CABCOCO1: variants seen among roughly 807,000 people sequenced by gnomAD.
The protein encoded by CABCOCO1 is ciliary associated calcium binding coiled-coil 1.
A neutral mutation model predicts 35.7 loss-of-function variants in CABCOCO1; 28 were observed. The ratio of observed to expected loss-of-function variants is 0.78; its 90% CI spans 0.58 to 1.07. The LOEUF is 1.07. Ranked by LOEUF, CABCOCO1 falls within the 50% of genes least tolerant of loss-of-function variation. CABCOCO1 has a pLI of 0.00. For missense variants in CABCOCO1, 326 were observed against 309.2 expected, an observed-to-expected ratio of 1.05 and a Z score of -0.41; for synonymous variants, 95 against 100.1, an observed-to-expected ratio of 0.95 and a Z score of 0.30.
chr10:61,685,075 CTT>C (rs1183996002), intron 3 of CABCOCO1: 1 of 152,184 alleles, frequency 6.6e-6, no homozygotes, highest in African/African-American at 2.4e-5. Context: ...TTGTGTCACT[CTT>C]TGTGCATTTT....
intron 5 of CABCOCO1, among the ~76,000 whole-genome samples, chr10:61,698,972 C>T (rs940369240): frequency 1.3e-5 from 2 of 152,070 alleles, no homozygotes; most frequent in Admixed American, 1.3e-4. Flanking sequence ...TGAGATGTAC[C>T]TATCAAAATA....
At chr10:61,748,035 A>G (rs1841701406) in intron 5 of CABCOCO1, among the ~76,000 whole-genome samples, 1 of 152,170 alleles carries the variant, frequency 6.6e-6, no homozygotes. Flanking sequence ...TAGCATGGAC[A>G]CTTTTTGGAA....
chr10:61,726,622 G>T (rs1841156450), intron 5 of CABCOCO1, among the ~76,000 whole-genome samples: 1 of 151,684 alleles, frequency 6.6e-6, no homozygotes, highest in African/African-American at 2.4e-5. Context: ...CCCTTTATCT[G>T]GTGGGGAAAA....
In CABCOCO1 at chr10:61,672,673, G is replaced by A. The variant is rs866241930; in HGVS notation, c.102G>A (p.Pro34=). ...EFQEHEKILS[P]DFLSVAQITD... ...AGGAGCATGAAAAGATTCTGTCTCC[G>A]GATTTTCTTTCAGTTGCCCAAATCA... Residue 34 remains proline (P), a synonymous_variant, in exon 2 of 8, where the codon CCG becomes CCA. Transcript: ENST00000648843. The A allele has an allele frequency of 1.1e-4, 111 of 983,960 alleles. 1 individual carries two copies. In the African/African-American group the frequency reaches 1.7e-3, roughly 15 times the overall value. The allele number at this position is 983,960 out of a possible 1,614,324, so 61.0% of individuals were successfully genotyped here.
At chr10:61,684,476 A>G (rs1015559163) in intron 3 of CABCOCO1, among the ~76,000 whole-genome samples, 1 of 152,230 alleles carries the variant, frequency 6.6e-6, no homozygotes, top group East Asian at 1.9e-4. Flanking sequence ...TACCTGGTCC[A>G]GCAATCAGCC....
intron 2 of CABCOCO1, among the ~76,000 whole-genome samples, chr10:61,679,987 A>G (rs1025185303): frequency 1.3e-5 from 2 of 152,080 alleles, no homozygotes; most frequent in African/African-American, 2.4e-5. Context: ...AAAAATGACT[A>G]AAATGTACAT....
At chr10:61,709,020 T>C (rs940699936) in intron 5 of CABCOCO1, among the ~76,000 whole-genome samples, 3 of 152,152 alleles carry the variant, frequency 2.0e-5, no homozygotes, top group African/African-American at 7.2e-5. Context: ...GCCCATGGGA[T>C]TGCAAAATAT....
intron 5 of CABCOCO1, among the ~76,000 whole-genome samples, chr10:61,718,954 G>A (rs1165122195): frequency 1.3e-5 from 2 of 152,110 alleles, no homozygotes; most frequent in Non-Finnish European, 2.9e-5. Context: ...CAGTAAAATT[G>A]TCAAATGAAA....
chr10:61,742,511 A>C (rs1449503535), intron 5 of CABCOCO1, among the ~76,000 whole-genome samples: 1 of 152,212 alleles, frequency 6.6e-6, no homozygotes, highest in Non-Finnish European at 1.5e-5. Context: ...TTGGAATGAG[A>C]TAGACCAGAC....
intron 5 of CABCOCO1, among the ~76,000 whole-genome samples, chr10:61,703,542 A>G (rs1840516817): frequency 6.6e-6 from 1 of 152,156 alleles, no homozygotes; most frequent in Non-Finnish European, 1.5e-5. Flanking sequence ...CATGACCTGG[A>G]GCAACTCATG....
intron 5 of CABCOCO1, among the ~76,000 whole-genome samples, chr10:61,723,510 A>G (rs1252700704): frequency 6.6e-6 from 1 of 152,164 alleles, no homozygotes; most frequent in Non-Finnish European, 1.5e-5. Flanking sequence ...GTGTGCTCAG[A>G]TTGCCATAGC....
intron 5 of CABCOCO1, among the ~76,000 whole-genome samples, chr10:61,739,917 G>A (rs967985107): frequency 6.6e-6 from 1 of 152,218 alleles, no homozygotes; most frequent in African/African-American, 2.4e-5. Flanking sequence ...GCTCCAGCCT[G>A]GGCGACAGAG....
intron 1 of CABCOCO1, among the ~76,000 whole-genome samples, chr10:61,664,926 A>G (rs1412980203): frequency 6.6e-6 from 1 of 152,144 alleles, no homozygotes; most frequent in Non-Finnish European, 1.5e-5. Context: ...TCTCAGATCA[A>G]ATTCTTTACA....
intron 5 of CABCOCO1, among the ~76,000 whole-genome samples, chr10:61,719,654 G>C (rs1330963856): frequency 6.6e-6 from 1 of 152,094 alleles, no homozygotes; most frequent in African/African-American, 2.4e-5. Context: ...CGGCGCAGTG[G>C]CTCATGCCTG....
At chr10:61,670,097 T>A (rs1347229191) in intron 1 of CABCOCO1, among the ~76,000 whole-genome samples, 1 of 152,110 alleles carries the variant, frequency 6.6e-6, no homozygotes. Flanking sequence ...TAGCAACCTA[T>A]GTTGACATAT....
chr10:61,707,530 G>A (rs1269017102), intron 5 of CABCOCO1, among the ~76,000 whole-genome samples: 2 of 152,136 alleles, frequency 1.3e-5, no homozygotes, highest in Non-Finnish European at 2.9e-5. Flanking sequence ...CCTTATTGGG[G>A]AGGTTTTCAT....
intron 5 of CABCOCO1, among the ~76,000 whole-genome samples, chr10:61,732,417 A>G (rs72823827): frequency 0.1 from 15,236 of 152,074 alleles, 930 homozygotes; most frequent in Middle Eastern, 0.17. Flanking sequence ...TAATGTGGTT[A>G]CATTATTTTG....
intron 5 of CABCOCO1, among the ~76,000 whole-genome samples, chr10:61,757,710 C>CACAG (rs71920436): frequency 6.6e-6 from 1 of 151,432 alleles, no homozygotes; most frequent in Non-Finnish European, 1.5e-5. Flanking sequence ...GACACACACA[C>CACAG]ACACACACAC....
At chr10:61,705,366 A>C (rs1396747217) in intron 5 of CABCOCO1, among the ~76,000 whole-genome samples, 1 of 152,238 alleles carries the variant, frequency 6.6e-6, no homozygotes, top group African/African-American at 2.4e-5. Context: ...GTCTGTTGCA[A>C]CCTGATTATC....
Sources: gnomAD v4.1 joint callset for allele counts (sites outside exome capture counted in the v4.1 genomes callset) on GRCh38, gnomAD v4.1.1 for gene constraint, MANE v1.5 for transcripts, NCBI Gene and HGNC (gene_info 2026-07-23, HGNC 2026-07-21) for gene names.